Variants in PIEZO2 observed in about 807,000 individuals in gnomAD.
PIEZO2 encodes piezo-type mechanosensitive ion channel component 2.
A neutral mutation model predicts 337.3 loss-of-function variants in PIEZO2; 172 were observed. The ratio of observed to expected loss-of-function variants is 0.51; its 90% CI spans 0.45 to 0.58. The LOEUF is 0.58. PIEZO2 is among the 20% of genes least tolerant of loss of function. The pLI is 0.00. For synonymous variants in PIEZO2, 1,251 were observed against 1,228.5 expected, an observed-to-expected ratio of 1.02 and a Z score of -0.38; for missense variants, 3,028 against 3,391.3, an observed-to-expected ratio of 0.89 and a Z score of 2.66.
chr18:10,902,443 G>C (rs1335074026), intron 4 of PIEZO2, among the ~76,000 whole-genome samples: 1 of 152,150 alleles, frequency 6.6e-6, no homozygotes, highest in African/African-American at 2.4e-5. Context: ...TTTAAACTGA[G>C]ATAAGCTGAC....
intron 30 of PIEZO2, 50 bp from the exon 31 acceptor site, chr18:10,744,281 T>C: frequency 8.5e-7 from 1 of 1,174,178 alleles, no homozygotes; most frequent in Non-Finnish European, 1.2e-6. Flanking sequence ...GCCATTGTTG[T>C]TCCCCTTTTC....
rs1369514259 is a variant in PIEZO2, at chr18:10,773,614, T to G, written c.2583A>C (p.Glu861Asp). Reference protein sequence around the residue: ...PIHQNELAHPEGSLPDLTMMH... With the variant: ...PIHQNELAHPDGSLPDLTMMH... ...TCATGGTGAGGTCCGGGAGGCTTCC[T>G]TCCGGGTGGGCCAGTCTGTTGGCAG... The change falls in exon 20 of 56, where the codon GAA becomes GAC. Residue 861 changes from glutamate to aspartate, a missense_variant. Glu to Asp is a conservative substitution (Grantham distance 45). Around this residue, in one of 5 missense-constraint regions of PIEZO2, gnomAD observed 1,925 missense variants for 2,051.9 expected, o/e 0.94. Transcript: ENST00000674853. The surrounding 1 kb of genome is among the most constrained non-coding windows in gnomAD (Gnocchi z 5.3). The G allele has an allele frequency of 6.5e-7, 1 of 1,537,312 alleles. No individual in the cohort carries two copies. Among genetic ancestry groups the G allele is most frequent in the East Asian group, 2.4e-5 (1 of 40,916 alleles).
intron 2 of PIEZO2, among the ~76,000 whole-genome samples, chr18:11,051,011 G>C (rs888928266): frequency 6.6e-5 from 10 of 152,078 alleles, no homozygotes; most frequent in African/African-American, 2.4e-4. Flanking sequence ...GGCAAGGCCT[G>C]AAAGGGTTGG....
At chr18:10,965,476 C>T (rs2033960848) in intron 3 of PIEZO2, among the ~76,000 whole-genome samples, 1 of 152,132 alleles carries the variant, frequency 6.6e-6, no homozygotes, top group South Asian at 2.1e-4. Context: ...TTCTCAGGCT[C>T]AAAGCGTTCA....
At chr18:10,985,731 G>A (rs8084479) in intron 2 of PIEZO2, among the ~76,000 whole-genome samples, 156 of 151,690 alleles carry the variant, frequency 1.0e-3, no homozygotes, top group African/African-American at 3.1e-3. Flanking sequence ...ACCTGTAGTC[G>A]ATACACAAAA....
intron 1 of PIEZO2, among the ~76,000 whole-genome samples, chr18:11,119,165 T>C (rs1356541149): frequency 3.3e-5 from 3 of 92,042 alleles, no homozygotes; most frequent in African/African-American, 1.1e-4. Flanking sequence ...TTTTTTTTTT[T>C]GAGACAGAGT....
chr18:11,075,806 TGA>T (rs1164274913), intron 1 of PIEZO2, among the ~76,000 whole-genome samples: 3 of 107,266 alleles, frequency 2.8e-5, no homozygotes, highest in Non-Finnish European at 5.8e-5. Context: ...TTTTTTTTTT[TGA>T]GACAGAGTCT....
intron 1 of PIEZO2, among the ~76,000 whole-genome samples, chr18:11,087,255 G>C (rs2038943968): frequency 6.6e-6 from 1 of 152,124 alleles, no homozygotes; most frequent in South Asian, 2.1e-4. Flanking sequence ...TTTATAAGCT[G>C]CTCAGTCTTT....
chr18:11,094,555 A>C lies in PIEZO2; in HGVS notation c.65-28333T>G, dbSNP rs1888832530. Among the ~76,000 whole-genome samples the C allele has an allele frequency of 6.6e-6, 1 of 152,182 alleles. No homozygotes were observed. On this transcript the variant is annotated intron_variant, in intron 1 of 55. Coordinates refer to ENST00000674853, the MANE Select transcript of PIEZO2 (RefSeq NM_001378183.1). The surrounding 1 kb of genome is among the most constrained non-coding windows in gnomAD (Gnocchi z 4.4). ...TCTCCAAAAGCAGTCGCTAATTAAT[A>C]AGTGCAGGCACTCAGAAGCCTCGCT... is the stretch of plus-strand genomic sequence containing the variant.
At chr18:11,142,947 C>T (rs1417549801) in intron 1 of PIEZO2, among the ~76,000 whole-genome samples, 1 of 151,964 alleles carries the variant, frequency 6.6e-6, no homozygotes, top group Non-Finnish European at 1.5e-5. Context: ...GGTGTGGTGG[C>T]ACGCACCTGT....
intron 27 of PIEZO2, among the ~76,000 whole-genome samples, chr18:10,755,244 G>T (rs933856354): frequency 2.0e-5 from 3 of 152,130 alleles, no homozygotes; most frequent in Non-Finnish European, 4.4e-5. Context: ...CTCCATGTGT[G>T]GGGTCGGCTG....
chr18:10,882,093 T>A (rs746658916), intron 4 of PIEZO2, among the ~76,000 whole-genome samples: 1 of 152,176 alleles, frequency 6.6e-6, no homozygotes, highest in Non-Finnish European at 1.5e-5. Flanking sequence ...TTGAGGGCAA[T>A]ATTTAGGTAC....
chr18:11,066,692 T>C (rs996540360), intron 1 of PIEZO2, among the ~76,000 whole-genome samples: 3 of 152,152 alleles, frequency 2.0e-5, no homozygotes, highest in Non-Finnish European at 2.9e-5. Context: ...CTCTGCCTCC[T>C]GGGTTCAAGT....
chr18:11,085,780 T>C (rs183158630), intron 1 of PIEZO2, among the ~76,000 whole-genome samples: 10 of 152,164 alleles, frequency 6.6e-5, no homozygotes, highest in Non-Finnish European at 2.9e-5. Context: ...AAAAAATTTT[T>C]TTTAAAGCTT....
At position 11,118,415 on chromosome 18, in the gene PIEZO2, T is replaced by C. The variant is rs555601698; in HGVS notation, c.64+30110A>G. Among the ~76,000 whole-genome samples, 192 of 152,324 alleles carry C rather than the reference T, an allele frequency of 1.3e-3. 1 individual carries two copies. In the Middle Eastern group the frequency reaches 0.014, roughly 11 times the overall value. On this transcript the variant is annotated intron_variant, in intron 1 of 55. Transcript: ENST00000674853. ...ACAACTCTGAGATGTGTTAGCGTCA[T>C]TGCTTTCCAAGTAGCCTAAGATGAG... is the stretch of plus-strand genomic sequence containing the variant.
intron 3 of PIEZO2, among the ~76,000 whole-genome samples, chr18:10,938,649 T>C (rs2032535359): frequency 6.6e-6 from 1 of 152,252 alleles, no homozygotes; most frequent in African/African-American, 2.4e-5. Flanking sequence ...TACTGAAAGA[T>C]TCTTCATGAC....
Position 11,041,626 on chromosome 18 carries a change from T to G in PIEZO2, c.160+24501A>C, listed in dbSNP as rs528204672. Among the ~76,000 whole-genome samples, 3 of 152,366 alleles carry G rather than the reference T, an allele frequency of 2.0e-5. No individual in the cohort carries two copies. In the East Asian group the frequency reaches 5.8e-4, roughly 29 times the overall value. On this transcript the variant is annotated intron_variant, in intron 2 of 55. Transcript: ENST00000674853. ...TCTCCACATCTGTGGTCTTTTGTGT[T>G]TACACTACATTTTTTCATCATTTTT...
intron 2 of PIEZO2, among the ~76,000 whole-genome samples, chr18:11,060,783 A>G (rs2145894314): frequency 6.6e-6 from 1 of 152,354 alleles, no homozygotes; most frequent in Non-Finnish European, 1.5e-5. Context: ...CCAACCAGAA[A>G]AAGTCCAGGA....
chr18:11,140,506 G>A (rs1183580669), intron 1 of PIEZO2, among the ~76,000 whole-genome samples: 1 of 152,172 alleles, frequency 6.6e-6, no homozygotes, highest in Non-Finnish European at 1.5e-5. Flanking sequence ...TGTCTAAATT[G>A]AGAAAATCAT....
Sources: allele counts gnomAD v4.1 joint callset (sites outside exome capture counted in the v4.1 genomes callset), GRCh38; gene constraint gnomAD v4.1.1; regional missense constraint gnomAD v4.1.1; non-coding constraint Gnocchi (gnomAD v3.1); transcripts MANE v1.5; gene names NCBI Gene and HGNC (gene_info 2026-07-23, HGNC 2026-07-21).